Variants in IGFN1 observed in about 807,000 individuals in gnomAD.
IGFN1 encodes the protein immunoglobulin-like and fibronectin type III domain-containing protein 1.
IGFN1 carries 253 observed loss-of-function variants against 289.5 expected under a neutral mutation model. The ratio of observed to expected loss-of-function variants is 0.87; its 90% CI spans 0.79 to 0.97. IGFN1 has a LOEUF of 0.97. IGFN1 is among the 50% of genes least tolerant of loss of function. The pLI, the probability that IGFN1 is intolerant of heterozygous loss-of-function variation, is 0.00. For missense variants in IGFN1, 4,470 were observed against 4,686.1 expected, an observed-to-expected ratio of 0.95 and a Z score of 1.35; for synonymous variants, 1,706 against 1,788.5, an observed-to-expected ratio of 0.95 and a Z score of 1.16.
In IGFN1 at chr1:201,210,795, G is replaced by A. The variant is rs1463819564; in HGVS notation, c.5902G>A (p.Ala1968Thr). 3.3e-6 allele frequency: 5 copies of A among 1,530,252 alleles called. No homozygotes were observed. The highest frequency in any genetic ancestry group is 4.4e-6 in the Non-Finnish European group (5 of 1,144,318). 94.8% of individuals were successfully genotyped at this position (1,530,252 alleles called of 1,614,324 possible). Reference sequence around the variant, plus strand: ...GGCAGGTTATAGGAAGGATTTGGGGGCTCCTAAGGGAATGGGTTCAGGGAG... The same window carrying A: ...GGCAGGTTATAGGAAGGATTTGGGGACTCCTAAGGGAATGGGTTCAGGGAG... ...NKAGYRKDLG[A>T]PKGMGSGSKE... The change falls in exon 12 of 24, where the codon GCT (alanine) becomes ACT (threonine). Residue 1968 changes from alanine to threonine, a missense_variant. Around this residue, in one of 8 missense-constraint regions of IGFN1, gnomAD observed 108 missense variants for 128.7 expected, o/e 0.84. Transcript: ENST00000335211.
rs4915219 is a variant in IGFN1, at chr1:201,195,802, A to C, written c.128-37A>C. On this transcript the variant is annotated intron_variant, in intron 3 of 23. Coordinates refer to ENST00000335211, the MANE Select transcript of IGFN1 (RefSeq NM_001164586.2). ...TAAAGTATACAGTCACCCTCTCCCA[A>C]CTTGTCAGTCTCCCTACTCGTCTCT... 3 of 1,540,300 alleles carry C rather than the reference A, an allele frequency of 1.9e-6. No individual in the cohort carries two copies. In the African/African-American group the frequency reaches 4.1e-5, roughly 21 times the overall value.
chr1:201,216,386 G>A (rs914174745), intron 15 of IGFN1, 68 bp from the exon 16 acceptor site: 2 of 1,305,972 alleles, frequency 1.5e-6, no homozygotes, highest in African/African-American at 3.0e-5. Context: ...GGAGTTGGGG[G>A]GGTTGGCGCT....
chr1:201,219,828 A>G (rs1425623620), intron 18 of IGFN1, among the ~76,000 whole-genome samples: 4 of 152,218 alleles, frequency 2.6e-5, no homozygotes, highest in African/African-American at 9.6e-5. Context: ...AGGACATGGA[A>G]TGGAGGGATG....
At position 201,221,711 on chromosome 1, in the gene IGFN1, C is replaced by G. The variant is rs935923217; in HGVS notation, c.10166C>G (p.Ala3389Gly). The change falls in exon 19 of 24, where the codon GCC (alanine) becomes GGC (glycine). Residue 3389 changes from alanine to glycine, a missense_variant. Ala to Gly is a moderately conservative substitution (Grantham distance 60). Coordinates refer to ENST00000335211, the MANE Select transcript of IGFN1 (RefSeq NM_001164586.2). ...GAAGGAGGCCAGAGCCAGCCCAGTG[C>G]CCTGGACACATTAGTGCAAGCCATG... ...VNEGGQSQPS[A>G]LDTLVQAMPV... The G allele has an allele frequency of 9.9e-6, 16 of 1,608,808 alleles. No homozygotes were observed. Among genetic ancestry groups the G allele is most frequent in the Non-Finnish European group, 1.3e-5 (15 of 1,177,172 alleles).
chr1:201,209,986 G>A lies in IGFN1; in HGVS notation c.5093G>A (p.Ser1698Asn), dbSNP rs770546118. Residue 1698 changes from serine to asparagine, a missense_variant, in exon 12 of 24, where the codon AGT becomes AAT. By Grantham distance (46) the Ser-to-Asn change is conservative (BLOSUM62 1). This residue lies in a region of IGFN1 where 49 missense variants were observed against 62.6 expected (regional missense o/e 0.78). Coordinates refer to ENST00000335211, the MANE Select transcript of IGFN1 (RefSeq NM_001164586.2). ...GCAGGTTTTAGGGATGGTTTAGGGA[G>A]TTCTGTAGAAATGGGGTCAGTGAAT... ...SKAGFRDGLGSSVEMGSVNEA... is the reference protein window; with the variant it reads ...SKAGFRDGLGNSVEMGSVNEA... The A allele has an allele frequency of 8.7e-6, 13 of 1,494,618 alleles. No homozygotes were observed. The African/African-American group carries it at 1.2e-4, about 14-fold the overall frequency. The allele number at this position is 1,494,618 out of a possible 1,614,324, so 92.6% of individuals were successfully genotyped here.
At position 201,228,529 on chromosome 1, in the gene IGFN1, C is replaced by G; in HGVS notation, c.*130C>G. The G allele has an allele frequency of 9.6e-7, 1 of 1,039,640 alleles. No homozygotes were observed. The highest frequency in any genetic ancestry group is 1.5e-6 in the Non-Finnish European group (1 of 662,782). The allele number at this position is 1,039,640 out of a possible 1,614,324, so 64.4% of individuals were successfully genotyped here. A position where few individuals can be genotyped will look rare whatever the true frequency, so the allele number is the denominator to read the frequency against. ...CAGGAAAATGGGAGTGAGAAGATGC[C>G]TGGCGAGGTTTTGGCCAGGAGGACG... On this transcript the variant is annotated 3_prime_UTR_variant, in exon 24 of 24. Coordinates refer to ENST00000335211, the MANE Select transcript of IGFN1 (RefSeq NM_001164586.2).
chr1:201,204,023 A>G, intron 10 of IGFN1, 117 bp downstream of exon 10: 4 of 959,148 alleles, frequency 4.2e-6, no homozygotes, highest in Non-Finnish European at 6.1e-6. Context: ...TGCAAAAGAC[A>G]ATTGGGAGAG....
At position 201,215,733 on chromosome 1, in the gene IGFN1, C is replaced by G; in HGVS notation, c.9190C>G (p.Arg3064Gly). The change falls in exon 15 of 24, where the codon CGG becomes GGG. Residue 3064 changes from arginine (R) to glycine (G), a missense_variant. This residue lies in a region of IGFN1 where 2,218 missense variants were observed against 2,114.1 expected (regional missense o/e 1.05). Transcript: ENST00000335211. ...AQVDLGDGYTRLCLPSAGRKD... is the reference protein window; with the variant it reads ...AQVDLGDGYTGLCLPSAGRKD... ...GGTGGACCTGGGGGATGGCTACACG[C>G]GGCTGTGCCTCCCCAGCGCAGGCAG... The G allele has an allele frequency of 6.2e-7, 1 of 1,611,444 alleles. No individual in the cohort carries two copies. Among genetic ancestry groups the G allele is most frequent in the Non-Finnish European group, 8.5e-7 (1 of 1,178,744 alleles).
chr1:201,199,975 C>G (rs1224129346), intron 7 of IGFN1, among the ~76,000 whole-genome samples: 1 of 152,076 alleles, frequency 6.6e-6, no homozygotes, highest in Non-Finnish European at 1.5e-5. Context: ...ACCCACTTTC[C>G]CCAGACATCC....
Position 201,194,214 on chromosome 1 carries a change from C to G in IGFN1, c.68C>G (p.Pro23Arg), listed in dbSNP as rs1666785307. ...VSIWQLVEEI[P>R]EGCSTPDFEQ... ...ATCTGGCAGCTGGTGGAGGAGATCCCTGAAGGCTGCAGCACGCCGGACTTT... is the reference window on the plus strand; with the variant it reads ...ATCTGGCAGCTGGTGGAGGAGATCCGTGAAGGCTGCAGCACGCCGGACTTT... Residue 23 changes from proline to arginine, a missense_variant, in exon 3 of 24, where the codon CCT becomes CGT. Coordinates refer to ENST00000335211, the MANE Select transcript of IGFN1 (RefSeq NM_001164586.2). The G allele has an allele frequency of 6.4e-7, 1 of 1,551,526 alleles. No individual in the cohort carries two copies. Among genetic ancestry groups the G allele is most frequent in the Non-Finnish European group, 8.7e-7 (1 of 1,146,978 alleles).
At position 201,209,312 on chromosome 1, in the gene IGFN1, G is replaced by C. The variant is rs1210932120; in HGVS notation, c.4419G>C (p.Gly1473=). ...GAGCTCCTGAGAGAATGGATTCAGG[G>C]AGCAAGGCAGGTTACAGGGGTGGTT... ...NLGAPERMDS[G]SKAGYRGGLR... Residue 1473 remains glycine, a synonymous_variant, in exon 12 of 24, where the codon GGG becomes GGC. Transcript: ENST00000335211. 1 of 1,483,596 alleles carries C rather than the reference G, an allele frequency of 6.7e-7. No individual in the cohort carries two copies. Among genetic ancestry groups the C allele is most frequent in the Non-Finnish European group, 8.9e-7 (1 of 1,127,254 alleles). 91.9% of individuals were successfully genotyped at this position (1,483,596 alleles called of 1,614,324 possible). A position where few individuals can be genotyped will look rare whatever the true frequency, so the allele number is the denominator to read the frequency against.
chr1:201,198,622 T>G (rs1210626787), intron 5 of IGFN1, among the ~76,000 whole-genome samples: 2 of 151,784 alleles, frequency 1.3e-5, no homozygotes, highest in African/African-American at 2.4e-5. Flanking sequence ...AGGCGGGGTC[T>G]CCCTGTGTTG....
chr1:201,211,682 C>T lies in IGFN1; in HGVS notation c.6789C>T (p.Gly2263=). 1 of 1,536,772 alleles carries T rather than the reference C, an allele frequency of 6.5e-7. No individual in the cohort carries two copies. The highest frequency in any genetic ancestry group is 8.7e-7 in the Non-Finnish European group (1 of 1,146,734). ...DLGAPEEMGS[G]SYTDYRNGLG... ...GAGCTCCTGAGGAAATGGGTTCAGG[C>T]AGTTACACAGATTACAGGAATGGTT... Residue 2263 remains glycine, a synonymous_variant, in exon 12 of 24, where the codon GGC becomes GGT. Coordinates refer to ENST00000335211, the MANE Select transcript of IGFN1 (RefSeq NM_001164586.2).
chr1:201,200,327 C>T lies in IGFN1; in HGVS notation c.549C>T (p.Cys183=). The T allele has an allele frequency of 1.3e-6, 2 of 1,551,704 alleles. No individual in the cohort carries two copies. Among genetic ancestry groups the T allele is most frequent in the Admixed American group, 2.0e-5 (1 of 50,994 alleles). ...ACAGGAAGGACTACGAGAAGATCTG[C>T]TTGAAGTATGGCATCGTCGACTACC... ...TADRKDYEKI[C]LKYGIVDYRG... The change falls in exon 8 of 24, where the codon TGC becomes TGT. Residue 183 remains cysteine (C), a synonymous_variant. Coordinates refer to ENST00000335211, the MANE Select transcript of IGFN1 (RefSeq NM_001164586.2).
At chr1:201,216,221 T>G in intron 15 of IGFN1, 1 of 599,374 alleles carries the variant, frequency 1.7e-6, no homozygotes, top group Non-Finnish European at 3.0e-6. Context: ...GTGCATTCCA[T>G]GGCACATCCC....
chr1:201,201,879 T>G (rs10800762), intron 9 of IGFN1, 47 bp downstream of exon 9: 594,806 of 824,082 alleles, frequency 0.72, 219,793 homozygotes, highest in East Asian at 0.96. Flanking sequence ...CAGGGATGCT[T>G]CAGGTCTAGT....
At position 201,213,233 on chromosome 1, in the gene IGFN1, C is replaced by T; in HGVS notation, c.8340C>T (p.Ser2780=). Residue 2780 remains serine, a synonymous_variant, in exon 12 of 24, where the codon TCC becomes TCT. Coordinates refer to ENST00000335211, the MANE Select transcript of IGFN1 (RefSeq NM_001164586.2). ...GGKRSLGEQG[S]LEAENGEVQG... is the part of the protein sequence containing the mutation. ...AGAGGTCCCTCGGGGAGCAGGGGTCCCTGGAGGCTGAGAATGGTGAGGTCC... is the reference window on the plus strand; with the variant it reads ...AGAGGTCCCTCGGGGAGCAGGGGTCTCTGGAGGCTGAGAATGGTGAGGTCC... 6.4e-7 allele frequency: 1 copy of T among 1,551,636 alleles called. No homozygotes were observed. Among genetic ancestry groups the T allele is most frequent in the South Asian group, 1.2e-5 (1 of 84,058 alleles).
chr1:201,201,371 C>T (rs1667147554), intron 8 of IGFN1, among the ~76,000 whole-genome samples: 1 of 152,228 alleles, frequency 6.6e-6, no homozygotes. Context: ...TCAGCCTTCT[C>T]TCCTCCAAGC....
At position 201,207,430 on chromosome 1, in the gene IGFN1, G is replaced by T. The variant is rs201782986; in HGVS notation, c.2537G>T (p.Ser846Ile). Reference protein sequence around the residue: ...GTSPWDDTPSSLRKTGAHHGP... With the variant: ...GTSPWDDTPSILRKTGAHHGP... Reference sequence around the variant, plus strand: ...AGTCCTTGGGATGACACACCATCTAGCCTCAGAAAAACTGGGGCCCACCAT... The same window carrying T: ...AGTCCTTGGGATGACACACCATCTATCCTCAGAAAAACTGGGGCCCACCAT... Residue 846 changes from serine (S) to isoleucine (I), a missense_variant, in exon 12 of 24, where the codon AGC becomes ATC. Ser to Ile is a moderately radical substitution (Grantham distance 142). This residue lies in a region of IGFN1 where 2,011 missense variants were observed against 1,953.4 expected (regional missense o/e 1.03). Transcript: ENST00000335211. The T allele has an allele frequency of 5.9e-5, 91 of 1,529,882 alleles. No individual in the cohort carries two copies. The highest frequency in any genetic ancestry group is 1.6e-4 in the Admixed American group (8 of 49,880). 94.8% of individuals were successfully genotyped at this position (1,529,882 alleles called of 1,614,324 possible).
Sources: allele counts gnomAD v4.1 joint callset (sites outside exome capture counted in the v4.1 genomes callset), GRCh38; gene constraint gnomAD v4.1.1; regional missense constraint gnomAD v4.1.1; transcripts MANE v1.5; gene names NCBI Gene and HGNC (gene_info 2026-07-23, HGNC 2026-07-21).